The following SLC24A2 variants were observed in gnomAD, a reference collection of about 807,000 sequenced individuals.
SLC24A2 encodes sodium/potassium/calcium exchanger 2.
SLC24A2 carries 36 observed loss-of-function variants against 62.0 expected under a neutral mutation model. The ratio of observed to expected loss-of-function variants is 0.58; its 90% confidence interval spans 0.44 to 0.77. The LOEUF (loss-of-function observed/expected upper bound fraction) is 0.77. SLC24A2 is among the 30% of genes least tolerant of loss of function. The pLI is 0.00. For missense variants in SLC24A2, 846 were observed against 817.9 expected (o/e 1.03, Z -0.42); for synonymous variants, 358 against 294.0 (o/e 1.22, Z -2.23).
At chr9:19,549,971 A>T (rs1834764463) in intron 8 of SLC24A2, among the ~76,000 whole-genome samples, 166 bp downstream of exon 8, 1 of 152,162 alleles carries the variant, frequency 6.6e-6, no homozygotes, top group East Asian at 1.9e-4. Context: ...TTAAACTTAA[A>T]TATTTTTTCT....
chr9:20,188,741 G>A, the SLC24A2 span, among the ~76,000 whole-genome samples: 1 of 152,062 alleles, frequency 6.6e-6, no homozygotes, highest in Non-Finnish European at 1.5e-5. Context: ...AATGAAGATG[G>A]CCTCTAGAAA....
intron 2 of SLC24A2, among the ~76,000 whole-genome samples, chr9:19,735,281 G>C (rs1343493449): frequency 6.6e-6 from 1 of 152,136 alleles, no homozygotes; most frequent in African/African-American, 2.4e-5. Flanking sequence ...GGCCATCAGA[G>C]AAATGCAAAT....
the SLC24A2 span, among the ~76,000 whole-genome samples, chr9:20,000,358 T>C: frequency 2.0e-5 from 3 of 152,132 alleles, no homozygotes; most frequent in African/African-American, 7.2e-5. Context: ...AGAGACAGAA[T>C]TTGACCTAGG....
chr9:19,972,577 A>G, the SLC24A2 span, among the ~76,000 whole-genome samples: 1 of 152,168 alleles, frequency 6.6e-6, no homozygotes, highest in Admixed American at 6.5e-5. Flanking sequence ...TTTCCAGTCC[A>G]CAGCGAGATG....
chr9:19,528,236 G>C, intron 8 of SLC24A2, 98 bp from the exon 9 acceptor site: 1 of 789,876 alleles, frequency 1.3e-6, no homozygotes, highest in Non-Finnish European at 2.2e-6. Flanking sequence ...AATTTCTCTA[G>C]CATTTCCTGC....
chr9:20,167,573 T>G, the SLC24A2 span, among the ~76,000 whole-genome samples: 1 of 152,054 alleles, frequency 6.6e-6, no homozygotes, highest in African/African-American at 2.4e-5. Context: ...TCTTGGTTTC[T>G]AAATACCATT....
the SLC24A2 span, among the ~76,000 whole-genome samples, chr9:20,236,625 G>A: frequency 4.6e-5 from 7 of 152,114 alleles, no homozygotes; most frequent in South Asian, 2.1e-4. Context: ...CAAGCTTTAC[G>A]ACCAGCAAAT....
At chr9:20,074,555 C>CAGGAAGGAAGGAAGGAAGGAAGGA in the SLC24A2 span, among the ~76,000 whole-genome samples, 47 of 87,348 alleles carry the variant, frequency 5.4e-4, 1 homozygote, top group African/African-American at 2.3e-3. Context: ...GAGAAGAAGG[C>CAGGAAGGAAGGAAGGAAGGAAGGA]AGGAAGGAAG....
chr9:19,649,460 T>C (rs1043169529), intron 2 of SLC24A2, among the ~76,000 whole-genome samples: 2 of 152,114 alleles, frequency 1.3e-5, no homozygotes, highest in African/African-American at 2.4e-5. Flanking sequence ...TAGAACCATA[T>C]GTTCATGATA....
chr9:19,840,513 G>C, the SLC24A2 span, among the ~76,000 whole-genome samples: 2 of 152,030 alleles, frequency 1.3e-5, no homozygotes, highest in Non-Finnish European at 1.5e-5. Flanking sequence ...TTGATTTCTG[G>C]GGAATGACCT....
chr9:20,293,492 G>A, the SLC24A2 span, among the ~76,000 whole-genome samples: 2 of 152,118 alleles, frequency 1.3e-5, no homozygotes, highest in African/African-American at 2.4e-5. Context: ...TTGGCTGGCT[G>A]TGGCCAAAAA....
chr9:20,093,986 T>TA, the SLC24A2 span, among the ~76,000 whole-genome samples: 1 of 151,990 alleles, frequency 6.6e-6, no homozygotes, highest in African/African-American at 2.4e-5. Context: ...ATTTTAAAAA[T>TA]AAAAAAATAG....
At chr9:19,872,308 G>C in the SLC24A2 span, among the ~76,000 whole-genome samples, 1 of 152,222 alleles carries the variant, frequency 6.6e-6, no homozygotes, top group Non-Finnish European at 1.5e-5. Flanking sequence ...GAAGGAGATG[G>C]AGTTCTCAGT....
intron 2 of SLC24A2, among the ~76,000 whole-genome samples, chr9:19,704,850 A>T (rs574952699): frequency 6.9e-6 from 1 of 145,504 alleles, no homozygotes; most frequent in Non-Finnish European, 1.5e-5. Flanking sequence ...GAGCATAGAC[A>T]TTTTCAAAAC....
At chr9:20,029,700 G>A in the SLC24A2 span, among the ~76,000 whole-genome samples, 2 of 152,196 alleles carry the variant, frequency 1.3e-5, no homozygotes, top group South Asian at 4.1e-4. Flanking sequence ...TTATGTTTAT[G>A]AGTTCCATTT....
the SLC24A2 span, among the ~76,000 whole-genome samples, chr9:19,878,044 C>T: frequency 1.3e-5 from 2 of 152,178 alleles, no homozygotes; most frequent in African/African-American, 4.8e-5. Context: ...GGCAGCAGAC[C>T]TGTTACCACC....
At chr9:20,192,883 TCTCCAG>T in the SLC24A2 span, among the ~76,000 whole-genome samples, 6 of 152,162 alleles carry the variant, frequency 3.9e-5, no homozygotes, top group African/African-American at 1.4e-4. Flanking sequence ...CTTCATTTAA[TCTCCAG>T]CTAATTTGAT....
chr9:19,850,976 T>TATACATATATATATATATAC, the SLC24A2 span, among the ~76,000 whole-genome samples: 1 of 47,220 alleles, frequency 2.1e-5, no homozygotes. Flanking sequence ...TGTATATATA[T>TATACATATATATATATATAC]ATATATATGT....
At chr9:20,063,774 T>G in the SLC24A2 span, among the ~76,000 whole-genome samples, 20 of 152,246 alleles carry the variant, frequency 1.3e-4, no homozygotes, top group African/African-American at 4.8e-4. Flanking sequence ...CATTTAAAAG[T>G]GCTTGACATC....
Sources: gnomAD v4.1 joint callset for allele counts (sites outside exome capture counted in the v4.1 genomes callset) on GRCh38, gnomAD v4.1.1 for gene constraint, MANE v1.5 for transcripts, NCBI Gene and HGNC (gene_info 2026-07-23, HGNC 2026-07-21) for gene names.